SELE: variants seen among roughly 807,000 people sequenced by gnomAD.
SELE encodes the protein E-selectin.
In SELE, 52 loss-of-function variants were observed where a neutral mutation model predicts 75.8. The observed-to-expected ratio is 0.69, with a 90% CI of 0.55 to 0.86. The LOEUF (loss-of-function observed/expected upper bound fraction) is 0.86, where lower values mean the gene tolerates loss of function less well. SELE is among the 40% of genes least tolerant of loss of function. SELE has a pLI of 0.00. For missense variants in SELE, 754 were observed against 732.7 expected (o/e 1.03, Z -0.34); for synonymous variants, 285 against 258.7 (o/e 1.10, Z -0.98).
chr1:169,725,597 G>A (rs1369891094), intron 13 of SELE, 132 bp downstream of exon 13: 1 of 671,668 alleles, frequency 1.5e-6, no homozygotes, highest in Non-Finnish European at 2.6e-6. Context: ...CAACTTTCCA[G>A]AACAATACCC....
intron 2 of SELE, 144 bp from the exon 3 acceptor site, chr1:169,733,142 G>T (rs1243682168): frequency 3.7e-6 from 3 of 816,338 alleles, no homozygotes; most frequent in Non-Finnish European, 5.5e-6. Context: ...TAAGAAGTAC[G>T]TATGAAGAAA....
intron 2 of SELE, 28 bp from the exon 3 acceptor site, chr1:169,733,026 T>C: frequency 6.5e-7 from 1 of 1,528,908 alleles, no homozygotes; most frequent in Non-Finnish European, 8.7e-7. Context: ...AAAGAAATGG[T>C]AGAGTTTGGT....
chr1:169,732,611 C>A lies in SELE; in HGVS notation c.421+4G>T. 6.4e-7 allele frequency: 1 copy of A among 1,571,088 alleles called. No homozygotes were observed. Among genetic ancestry groups the A allele is most frequent in the Non-Finnish European group, 8.6e-7 (1 of 1,161,334 alleles). On this transcript the variant is annotated splice_donor_region_variant and intron_variant, in intron 3 of 13. Transcript: ENST00000333360. ...ACCTCCCACTGCTGCCGCAAACTCCCTACCTGTGTAGCATAGGGCAAGCTT... is the reference window on the plus strand; with the variant it reads ...ACCTCCCACTGCTGCCGCAAACTCCATACCTGTGTAGCATAGGGCAAGCTT...
chr1:169,724,725 C>A (rs780991811), intron 13 of SELE, among the ~76,000 whole-genome samples: 5 of 152,050 alleles, frequency 3.3e-5, no homozygotes, highest in Non-Finnish European at 5.9e-5. Flanking sequence ...TCTAATGTAG[C>A]CTGTGGACAT....
chr1:169,729,901 A>G (rs369048410), intron 5 of SELE, among the ~76,000 whole-genome samples: 2 of 152,126 alleles, frequency 1.3e-5, no homozygotes, highest in South Asian at 2.1e-4. Context: ...TCTCTAATCT[A>G]TGTTATCATT....
In SELE at chr1:169,728,218, G is replaced by A. The variant is rs775335189; in HGVS notation, c.1119C>T (p.Pro373=). The change falls in exon 8 of 14, where the codon CCC becomes CCT. Residue 373 remains proline, a synonymous_variant. Coordinates refer to ENST00000333360, the MANE Select transcript of SELE (RefSeq NM_000450.2). ...GAAGACAATTCATGTAGCCTCGCTCGGGGTTGGACAAGGCTGTGCACTGGA... is the reference window on the plus strand; with the variant it reads ...GAAGACAATTCATGTAGCCTCGCTCAGGGTTGGACAAGGCTGTGCACTGGA... ...EAFQCTALSN[P]ERGYMNCLPS... is the part of the protein sequence containing the mutation. 7 of 1,614,050 alleles carry A rather than the reference G, an allele frequency of 4.3e-6. No homozygotes were observed. Among genetic ancestry groups the A allele is most frequent in the Non-Finnish European group, 5.1e-6 (6 of 1,179,984 alleles).
chr1:169,726,964 G>A (rs980327571), intron 10 of SELE, among the ~76,000 whole-genome samples, 158 bp from the exon 11 acceptor site: 2 of 152,186 alleles, frequency 1.3e-5, no homozygotes, highest in Non-Finnish European at 2.9e-5. Context: ...ACAGGCCTTT[G>A]AGATCTGCTC....
chr1:169,733,260 A>G (rs1303443139), intron 2 of SELE, among the ~76,000 whole-genome samples: 1 of 152,246 alleles, frequency 6.6e-6, no homozygotes, highest in Non-Finnish European at 1.5e-5. Context: ...TAATAATCAG[A>G]ATAACTAAGC....
intron 4 of SELE, among the ~76,000 whole-genome samples, chr1:169,731,044 T>C (rs193290986): frequency 1.4e-4 from 22 of 152,220 alleles, no homozygotes; most frequent in Admixed American, 6.5e-5. Context: ...AGTACTAGAA[T>C]ACATTACAAA....
chr1:169,733,715 A>C, intron 1 of SELE, 55 bp from the exon 2 acceptor site: 1 of 1,125,364 alleles, frequency 8.9e-7, no homozygotes, highest in Non-Finnish European at 1.4e-6. Flanking sequence ...GTAGCTAGTT[A>C]CATTATTCTA....
At chr1:169,729,444 G>A in intron 6 of SELE, 44 bp downstream of exon 6, 6 of 1,609,400 alleles carry the variant, frequency 3.7e-6, no homozygotes, top group Non-Finnish European at 5.1e-6. Context: ...TATGGGTTGA[G>A]AGAAAGAATG....
rs559188579 is a variant in SELE at position 169,727,939 on chromosome 1, G to A, written c.1280-12C>T. 4.0e-5 allele frequency: 64 copies of A among 1,609,024 alleles called. No homozygotes were observed. Among genetic ancestry groups the A allele is most frequent in the African/African-American group, 2.4e-4 (18 of 74,762 alleles). Reference sequence around the variant, plus strand: ...ATCGCATCTCACAGCTGGAACACACGAGAGAGCACTTTAGAAGTTTGTTTG... The same window carrying A: ...ATCGCATCTCACAGCTGGAACACACAAGAGAGCACTTTAGAAGTTTGTTTG... On this transcript the variant is annotated splice_polypyrimidine_tract_variant and intron_variant, in intron 8 of 13. Coordinates refer to ENST00000333360, the MANE Select transcript of SELE (RefSeq NM_000450.2).
chr1:169,733,701 G>C (rs910912010), intron 1 of SELE, 41 bp from the exon 2 acceptor site: 1 of 1,320,878 alleles, frequency 7.6e-7, no homozygotes, highest in Non-Finnish European at 1.1e-6. Flanking sequence ...GAAGGAAATC[G>C]TGGGTAGCTA....
At chr1:169,729,914 C>T (rs568509482) in intron 5 of SELE, among the ~76,000 whole-genome samples, 21 of 152,110 alleles carry the variant, frequency 1.4e-4, no homozygotes, top group African/African-American at 4.8e-4. Flanking sequence ...TTATCATTTA[C>T]GTGAGGTAAA....
intron 3 of SELE, 115 bp downstream of exon 3, chr1:169,732,496 TAAAC>T: frequency 7.9e-7 from 1 of 1,270,888 alleles, no homozygotes; most frequent in Non-Finnish European, 1.1e-6. Context: ...CTTTAGCAGT[TAAAC>T]AGAATCTTTT....
intron 3 of SELE, 80 bp downstream of exon 3, chr1:169,732,535 G>C: frequency 6.8e-7 from 1 of 1,466,278 alleles, no homozygotes; most frequent in South Asian, 1.4e-5. Flanking sequence ...CCACAATAGA[G>C]AGCAGTTTTT....
Position 169,728,196 on chromosome 1 carries a change from G to A in SELE, c.1141C>T (p.Leu381Phe). The A allele has an allele frequency of 3.1e-6, 5 of 1,614,164 alleles. No individual in the cohort carries two copies. Among genetic ancestry groups the A allele is most frequent in the South Asian group, 1.1e-5 (1 of 91,078 alleles). The change falls in exon 8 of 14, where the codon CTT (leucine) becomes TTT (phenylalanine). Residue 381 changes from leucine to phenylalanine, a missense_variant. Leu to Phe is a conservative substitution (Grantham distance 22). Coordinates refer to ENST00000333360, the MANE Select transcript of SELE (RefSeq NM_000450.2). ...SNPERGYMNCLPSASGSFRYG... is the reference protein window; with the variant it reads ...SNPERGYMNCFPSASGSFRYG... ...CGGAAACTGCCAGAAGCACTAGGAA[G>A]ACAATTCATGTAGCCTCGCTCGGGG... is the stretch of plus-strand genomic sequence containing the variant.
Position 169,732,704 on chromosome 1 carries a change from C to T in SELE, c.332G>A (p.Cys111Tyr). ...EPNNRQKDED[C>Y]VEIYIKREKD... ...TTCTCTCTTGATGTAGATCTCCACG[C>T]AGTCCTCATCTTTTTGCCTATTGTT... is the stretch of plus-strand genomic sequence containing the variant. The change falls in exon 3 of 14, where the codon TGC (cysteine) becomes TAC (tyrosine). Residue 111 changes from cysteine (C) to tyrosine (Y), a missense_variant. Coordinates refer to ENST00000333360, the MANE Select transcript of SELE (RefSeq NM_000450.2). 6.2e-7 allele frequency: 1 copy of T among 1,612,456 alleles called. No homozygotes were observed. The highest frequency in any genetic ancestry group is 8.5e-7 in the Non-Finnish European group (1 of 1,179,454).
chr1:169,731,845 C>G lies in SELE; in HGVS notation c.519G>C (p.Lys173Asn). 1 of 1,612,324 alleles carries G rather than the reference C, an allele frequency of 6.2e-7. No homozygotes were observed. Among genetic ancestry groups the G allele is most frequent in the Non-Finnish European group, 8.5e-7 (1 of 1,178,400 alleles). The change falls in exon 4 of 14, where the codon AAG becomes AAC. Residue 173 changes from lysine (K) to asparagine (N), a missense_variant. Coordinates refer to ENST00000333360, the MANE Select transcript of SELE (RefSeq NM_000450.2). Reference protein sequence around the residue: ...CKCDPGFSGLKCEQIVNCTAL... With the variant: ...CKCDPGFSGLNCEQIVNCTAL... ...AAGAACCAGACTTACTTTGCTCACA[C>G]TTGAGTCCACTGAAGCCAGGGTCAC...
Sources: allele counts gnomAD v4.1 joint callset (sites outside exome capture counted in the v4.1 genomes callset), GRCh38; gene constraint gnomAD v4.1.1; transcripts MANE v1.5; gene names NCBI Gene and HGNC (gene_info 2026-07-23, HGNC 2026-07-21).